SYT1: variants seen among roughly 807,000 people sequenced by gnomAD.
SYT1 encodes the protein synaptotagmin-1.
Under a neutral mutation model 44.8 loss-of-function variants are expected in SYT1, and 8 were observed. That is an observed-to-expected ratio of 0.18 (90% CI 0.10 to 0.32). The LOEUF is 0.32. Among genes scored for constraint, SYT1 ranks in the 10% least tolerant of loss-of-function variants. The probability of loss-of-function intolerance (pLI) is 1.00; values close to 1 mark genes in which losing one functional copy is unlikely to be tolerated. For missense variants in SYT1, 286 were observed against 509.3 expected (o/e 0.56, Z 4.22); for synonymous variants, 154 against 188.8 (o/e 0.82, Z 1.51).
At chr12:78,958,519 A>G (rs1879332171) in intron 1 of SYT1, among the ~76,000 whole-genome samples, 1 of 151,900 alleles carries the variant, frequency 6.6e-6, no homozygotes, top group South Asian at 2.1e-4. Flanking sequence ...ACATGGTGAA[A>G]CCCCTTCTCT....
At chr12:79,301,248 G>T (rs1880136661) in intron 8 of SYT1, among the ~76,000 whole-genome samples, 1 of 152,176 alleles carries the variant, frequency 6.6e-6, no homozygotes, top group African/African-American at 2.4e-5. Flanking sequence ...CAGGGTGCAT[G>T]GTTCACACTT....
intron 3 of SYT1, among the ~76,000 whole-genome samples, chr12:79,186,902 A>G (rs1014605315): frequency 1.3e-5 from 2 of 152,040 alleles, no homozygotes; most frequent in Non-Finnish European, 1.5e-5. Context: ...TAATACACCA[A>G]TTCCTGGAGA....
chr12:79,357,828 T>C (rs141297135), intron 9 of SYT1, among the ~76,000 whole-genome samples: 1 of 152,322 alleles, frequency 6.6e-6, no homozygotes, highest in Non-Finnish European at 1.5e-5. Context: ...TACACATCTC[T>C]GTGTGGAGTA....
At chr12:79,399,291 T>A (rs571710308) in intron 9 of SYT1, among the ~76,000 whole-genome samples, 2 of 128,734 alleles carry the variant, frequency 1.6e-5, no homozygotes, top group South Asian at 5.0e-4. Context: ...TAATTTGAAT[T>A]TTTTTTTTTT....
intron 3 of SYT1, among the ~76,000 whole-genome samples, chr12:79,065,186 A>G (rs1875746620): frequency 6.6e-6 from 1 of 152,146 alleles, no homozygotes; most frequent in Non-Finnish European, 1.5e-5. Context: ...CAGCCTGGGC[A>G]ACATGGTGAA....
chr12:79,281,470 A>G (rs1879050478), intron 4 of SYT1, among the ~76,000 whole-genome samples: 1 of 152,192 alleles, frequency 6.6e-6, no homozygotes, highest in Non-Finnish European at 1.5e-5. Flanking sequence ...CTTATAAGTG[A>G]AAGCTAAGCT....
intron 4 of SYT1, among the ~76,000 whole-genome samples, chr12:79,252,328 C>T (rs753924699): frequency 1.5e-4 from 23 of 151,668 alleles, no homozygotes; most frequent in Admixed American, 5.3e-4. Context: ...GGATTATTAT[C>T]ATCATCATCA....
intron 3 of SYT1, among the ~76,000 whole-genome samples, chr12:79,193,698 A>G (rs1251283583): frequency 6.7e-6 from 1 of 149,056 alleles, no homozygotes; most frequent in Non-Finnish European, 1.5e-5. Flanking sequence ...ACTGCACTCC[A>G]GCCTGGGTAG....
intron 1 of SYT1, among the ~76,000 whole-genome samples, chr12:78,950,141 G>T (rs1375479494): frequency 2.0e-5 from 3 of 151,938 alleles, no homozygotes; most frequent in East Asian, 3.9e-4. Flanking sequence ...TTTTGGTAGT[G>T]CATGAATATG....
chr12:79,408,820 G>A (rs1868322669), intron 9 of SYT1, among the ~76,000 whole-genome samples: 1 of 150,514 alleles, frequency 6.6e-6, no homozygotes, highest in African/African-American at 2.4e-5. Flanking sequence ...GGAGAGTTAT[G>A]GCACACAAAT....
At chr12:78,981,117 GTTTC>G (rs1351650425) in intron 2 of SYT1, among the ~76,000 whole-genome samples, 6 of 141,280 alleles carry the variant, frequency 4.2e-5, no homozygotes, top group African/African-American at 1.6e-4. Flanking sequence ...TGTTTTGTTT[GTTTC>G]TTTGTTTTTT....
At chr12:79,441,683 A>G (rs1248310496) in intron 9 of SYT1, among the ~76,000 whole-genome samples, 1 of 152,184 alleles carries the variant, frequency 6.6e-6, no homozygotes, top group Non-Finnish European at 1.5e-5. Flanking sequence ...CAGAACTGAC[A>G]GCCTCTGCTT....
chr12:79,350,635 A>G (rs1322406506), intron 8 of SYT1, among the ~76,000 whole-genome samples: 2 of 152,064 alleles, frequency 1.3e-5, no homozygotes. Context: ...CATGACAATC[A>G]TATTTGCAAA....
intron 1 of SYT1, among the ~76,000 whole-genome samples, chr12:78,891,022 A>T (rs1875025084): frequency 6.6e-6 from 1 of 151,924 alleles, no homozygotes; most frequent in South Asian, 2.1e-4. Flanking sequence ...GTATATGTGT[A>T]TTACCTATCT....
intron 3 of SYT1, among the ~76,000 whole-genome samples, chr12:79,204,595 T>C (rs906257110): frequency 3.9e-5 from 6 of 152,214 alleles, no homozygotes; most frequent in African/African-American, 1.4e-4. Flanking sequence ...TCTAGTACCA[T>C]CTTACTATAC....
At chr12:79,187,200 T>C (rs1872850926) in intron 3 of SYT1, among the ~76,000 whole-genome samples, 1 of 152,024 alleles carries the variant, frequency 6.6e-6, no homozygotes, top group Non-Finnish European at 1.5e-5. Flanking sequence ...CAAGTGGCAA[T>C]ACACCAGCGA....
intron 2 of SYT1, among the ~76,000 whole-genome samples, chr12:79,026,350 G>A (rs1872528195): frequency 2.0e-5 from 3 of 151,386 alleles, no homozygotes; most frequent in Non-Finnish European, 4.4e-5. Context: ...AGGAAGTAAA[G>A]ATCCAAAGAG....
chr12:79,290,036 T>C (rs1052060259), intron 5 of SYT1, among the ~76,000 whole-genome samples: 4 of 152,166 alleles, frequency 2.6e-5, no homozygotes. Flanking sequence ...CATTTTAACA[T>C]TCAAAGAAAC....
At chr12:79,223,462 C>T (rs1349624551) in intron 4 of SYT1, among the ~76,000 whole-genome samples, 2 of 152,156 alleles carry the variant, frequency 1.3e-5, no homozygotes, top group Non-Finnish European at 2.9e-5. Context: ...GCAGTGCTGC[C>T]AGAAGCCTAG....
Sources: gnomAD v4.1 joint callset for allele counts (sites outside exome capture counted in the v4.1 genomes callset) on GRCh38, gnomAD v4.1.1 for gene constraint, MANE v1.5 for transcripts, NCBI Gene and HGNC (gene_info 2026-07-23, HGNC 2026-07-21) for gene names.